Variants in ITGA4 observed in about 807,000 individuals in gnomAD.
ITGA4 encodes the protein integrin alpha-4.
In ITGA4, 63 loss-of-function variants were observed where a neutral mutation model predicts 133.6. The observed-to-expected ratio is 0.47, with a 90% CI of 0.38 to 0.58. ITGA4 has a LOEUF of 0.58. ITGA4 is among the 20% of genes least tolerant of loss of function. The pLI is 0.00. For missense variants in ITGA4, 1,076 were observed against 1,252.7 expected, an observed-to-expected ratio of 0.86 and a Z score of 2.13; for synonymous variants, 483 against 438.0, an observed-to-expected ratio of 1.10 and a Z score of -1.28.
chr2:181,460,505 A>G (rs1263411071), intron 2 of ITGA4, among the ~76,000 whole-genome samples: 2 of 151,860 alleles, frequency 1.3e-5, no homozygotes, highest in Non-Finnish European at 2.9e-5. Context: ...GCTATGCACT[A>G]TTTTGTATGA....
At chr2:181,481,310 T>C (rs1685798004) in intron 6 of ITGA4, among the ~76,000 whole-genome samples, 1 of 152,150 alleles carries the variant, frequency 6.6e-6, no homozygotes, top group Non-Finnish European at 1.5e-5. Flanking sequence ...CTAAAATATG[T>C]CTGTTGTAAT....
intron 5 of ITGA4, chr2:181,479,670 G>A (rs2105731368): frequency 6.6e-6 from 1 of 152,046 alleles, no homozygotes; most frequent in South Asian, 2.1e-4. Flanking sequence ...TTTTCCCTAA[G>A]CTAACATTAT....
intron 15 of ITGA4, among the ~76,000 whole-genome samples, chr2:181,507,164 A>G (rs191729267): frequency 1.3e-5 from 2 of 152,268 alleles, no homozygotes; most frequent in Admixed American, 6.5e-5. Context: ...TGCGTATAGC[A>G]ACAATTCTAA....
intron 6 of ITGA4, among the ~76,000 whole-genome samples, chr2:181,480,954 T>G (rs1013979608): frequency 2.0e-5 from 3 of 152,174 alleles, no homozygotes; most frequent in Non-Finnish European, 2.9e-5. Context: ...CTATAGATTT[T>G]CAGAAAATCC....
chr2:181,479,024 A>G (rs1030311910), intron 5 of ITGA4, 200 bp downstream of exon 5: 28 of 371,728 alleles, frequency 7.5e-5, no homozygotes, highest in Non-Finnish European at 1.3e-4. Context: ...TTAGGTGGCT[A>G]TACTGCATAA....
At chr2:181,478,006 A>G (rs1276389525) in intron 4 of ITGA4, among the ~76,000 whole-genome samples, 1 of 152,130 alleles carries the variant, frequency 6.6e-6, no homozygotes, top group Non-Finnish European at 1.5e-5. Context: ...ATACACACAT[A>G]TATACATAAA....
At chr2:181,500,327 T>A (rs149300591) in intron 15 of ITGA4, among the ~76,000 whole-genome samples, 38 of 152,242 alleles carry the variant, frequency 2.5e-4, no homozygotes, top group Admixed American at 1.3e-4. Flanking sequence ...TACCCTGAAC[T>A]TGAGTTCTGT....
chr2:181,490,083 A>G (rs1686014222), intron 10 of ITGA4, among the ~76,000 whole-genome samples: 1 of 152,110 alleles, frequency 6.6e-6, no homozygotes, highest in South Asian at 2.1e-4. Context: ...TCGGAACAAA[A>G]CAGGATAGGG....
At chr2:181,500,531 GGTTGCTCCTGT>G (rs1686245680) in intron 15 of ITGA4, among the ~76,000 whole-genome samples, 1 of 152,108 alleles carries the variant, frequency 6.6e-6, no homozygotes, top group South Asian at 2.1e-4. Flanking sequence ...GGGATGCCTG[GGTTGCTCCTGT>G]GTTCCATAAA....
intron 2 of ITGA4, among the ~76,000 whole-genome samples, chr2:181,474,216 A>G (rs895498336): frequency 1.3e-5 from 2 of 152,246 alleles, no homozygotes; most frequent in Non-Finnish European, 2.9e-5. Flanking sequence ...AAAAGAAAAT[A>G]ATGATCACTG....
At position 181,537,944 on chromosome 2, in the gene ITGA4, G is replaced by A. The variant is rs918705419; in HGVS notation, c.*2417G>A. 2 of 618,796 alleles carry A rather than the reference G, an allele frequency of 3.2e-6. No homozygotes were observed. Among genetic ancestry groups the A allele is most frequent in the East Asian group, 3.3e-5 (1 of 30,602 alleles). 38.3% of individuals were successfully genotyped at this position (618,796 alleles called of 1,614,324 possible). ...GCAGCAGCATTAGATTCTCATAGAAGTGCGAACCATATGGTGAACTGGTAT... is the reference window on the plus strand; with the variant it reads ...GCAGCAGCATTAGATTCTCATAGAAATGCGAACCATATGGTGAACTGGTAT... On this transcript the variant is annotated 3_prime_UTR_variant, in exon 28 of 28. Transcript: ENST00000397033.
In ITGA4 at chr2:181,537,508, A is replaced by ATATAACTATGTGATTT; in HGVS notation, c.*1983_*1998dup. ...GTTATTCTTTTTTGGCAGGTAGGCT[A>ATATAACTATGTGATTT]TATAACTATGTGATTTTGAAATTTA... On this transcript the variant is annotated 3_prime_UTR_variant, in exon 28 of 28. Transcript: ENST00000397033. 2.2e-6 allele frequency: 1 copy of ATATAACTATGTGATTT among 451,958 alleles called. No homozygotes were observed. The highest frequency in any genetic ancestry group is 4.4e-6 in the Non-Finnish European group (1 of 225,490). 28.0% of individuals were successfully genotyped at this position (451,958 alleles called of 1,614,324 possible).
At chr2:181,509,527 G>T in intron 15 of ITGA4, 131 bp from the exon 16 acceptor site, 1 of 514,702 alleles carries the variant, frequency 1.9e-6, no homozygotes, top group Non-Finnish European at 3.2e-6. Flanking sequence ...TTTTTTAACG[G>T]TTTAGATAAA....
chr2:181,535,365 A>AAATGAGTATAGT (rs1687040274), intron 27 of ITGA4, 67 bp from the exon 28 acceptor site: 3 of 1,213,770 alleles, frequency 2.5e-6, no homozygotes, highest in South Asian at 3.5e-5. Flanking sequence ...TAGATATTAG[A>AAATGAGTATAGT]AATGAGTATA....
intron 15 of ITGA4, 146 bp downstream of exon 15, chr2:181,498,923 G>T: frequency 7.6e-7 from 1 of 1,317,378 alleles, no homozygotes; most frequent in South Asian, 2.4e-5. Flanking sequence ...TCCAGTTAAG[G>T]TATGAGACAA....
Position 181,538,717 on chromosome 2 carries a change from G to A in ITGA4, c.*3190G>A, listed in dbSNP as rs548816628. Among the ~76,000 whole-genome samples the A allele has an allele frequency of 6.6e-6, 1 of 152,232 alleles. No homozygotes were observed. Among genetic ancestry groups the A allele is most frequent in the South Asian group, 2.1e-4 (1 of 4,820 alleles). On this transcript the variant is annotated 3_prime_UTR_variant, in exon 28 of 28. Transcript: ENST00000397033. ...GTAATTATGAGTGAGAGGAAACTAAGATGGAAGGATAAAAATCTAACACTT... is the reference window on the plus strand; with the variant it reads ...GTAATTATGAGTGAGAGGAAACTAAAATGGAAGGATAAAAATCTAACACTT...
chr2:181,512,318 T>C (rs1686522485), intron 17 of ITGA4, among the ~76,000 whole-genome samples: 2 of 151,878 alleles, frequency 1.3e-5, no homozygotes, highest in Non-Finnish European at 2.9e-5. Flanking sequence ...GGGGAACTAT[T>C]TTTGGGAGAT....
chr2:181,475,444 T>C (rs1435526702), intron 4 of ITGA4, among the ~76,000 whole-genome samples, 156 bp downstream of exon 4: 1 of 152,210 alleles, frequency 6.6e-6, no homozygotes, highest in Non-Finnish European at 1.5e-5. Context: ...TTTACCCAAT[T>C]GCAATAGCAT....
chr2:181,495,556 TA>T lies in ITGA4; in HGVS notation c.1385+141del, dbSNP rs765362718. 2.1e-5 allele frequency: 16 copies of T among 744,620 alleles called. No individual in the cohort carries two copies. The highest frequency in any genetic ancestry group is 4.9e-5 in the Admixed American group (2 of 40,534). 46.1% of individuals were successfully genotyped at this position (744,620 alleles called of 1,614,324 possible). On this transcript the variant is annotated intron_variant, in intron 13 of 27. Transcript: ENST00000397033. This position sits in a 1 kb window ranked among gnomAD's most constrained non-coding sequence, Gnocchi z 4.3. ...GAAGCTTAATTATTGATTTTTAGGG[TA>T]TTTTTTTCACCTTACAGAGATATAA...
Sources: allele counts gnomAD v4.1 joint callset (sites outside exome capture counted in the v4.1 genomes callset), GRCh38; gene constraint gnomAD v4.1.1; non-coding constraint Gnocchi (gnomAD v3.1); transcripts MANE v1.5; gene names NCBI Gene and HGNC (gene_info 2026-07-23, HGNC 2026-07-21).